The following DHX33 variants were observed in gnomAD, a reference collection of about 807,000 sequenced individuals.
DHX33 encodes the protein DEAH-box helicase 33.
Under a neutral mutation model 72.5 loss-of-function variants are expected in DHX33, and 42 were observed. The observed-to-expected ratio is 0.58, with a 90% confidence interval of 0.45 to 0.75. The LOEUF (loss-of-function observed/expected upper bound fraction) is 0.75, where lower values mean the gene tolerates loss of function less well. DHX33 is among the 30% of genes least tolerant of loss of function. The pLI is 0.00. For synonymous variants in DHX33, 358 were observed against 366.1 expected (o/e 0.98, Z 0.25); for missense variants, 842 against 917.5 (o/e 0.92, Z 1.06).
chr17:5,453,140 C>T (rs1466830229), intron 8 of DHX33, among the ~76,000 whole-genome samples: 1 of 152,188 alleles, frequency 6.6e-6, no homozygotes, highest in Non-Finnish European at 1.5e-5. Flanking sequence ...AATTTCATTA[C>T]ATTTCTGTAG....
At chr17:5,449,044 T>C (rs1378751102) in intron 10 of DHX33, 149 bp from the exon 11 acceptor site, 6 of 490,438 alleles carry the variant, frequency 1.2e-5, no homozygotes, top group Non-Finnish European at 1.8e-5. Flanking sequence ...GCCTCCCAGA[T>C]AGCTTGAACT....
At chr17:5,455,647 TGACA>T (rs1464537513) in intron 5 of DHX33, among the ~76,000 whole-genome samples, 1 of 152,186 alleles carries the variant, frequency 6.6e-6, no homozygotes, top group Non-Finnish European at 1.5e-5. Flanking sequence ...CCCACGAGGA[TGACA>T]GACAGTGGAT....
intron 11 of DHX33, among the ~76,000 whole-genome samples, chr17:5,447,002 T>G (rs561724277): frequency 6.6e-6 from 1 of 152,366 alleles, no homozygotes; most frequent in East Asian, 1.9e-4. Context: ...AGGCTGTGAC[T>G]GTCTCCCAGC....
In DHX33 at chr17:5,453,888, A is replaced by G; in HGVS notation, c.1240T>C (p.Cys414Arg). 6.2e-7 allele frequency: 1 copy of G among 1,602,682 alleles called. No individual in the cohort carries two copies. The highest frequency in any genetic ancestry group is 8.5e-7 in the Non-Finnish European group (1 of 1,174,972). The change falls in exon 7 of 12, where the codon TGC (cysteine) becomes CGC (arginine). Residue 414 changes from cysteine to arginine, a missense_variant. By Grantham distance (180) the Cys-to-Arg change is radical. Coordinates refer to ENST00000225296, the MANE Select transcript of DHX33 (RefSeq NM_020162.4). ...GRAGREDSGI[C>R]YRLYTEDEFE... ...TCGTCCTCCGTGTAGAGCCGGTAGC[A>G]GATGCCACTGTCCTCTCTGCCAGCC...
intron 1 of DHX33, 102 bp from the exon 2 acceptor site, chr17:5,463,791 T>C: frequency 1.7e-6 from 2 of 1,181,538 alleles, no homozygotes; most frequent in Non-Finnish European, 2.3e-6. Flanking sequence ...GAGGCCGAGG[T>C]AGGAGGCTCT....
rs747221530 is a variant in DHX33, at chr17:5,456,207, A to T, written c.850-25T>A. ...CCTGTAAAAAAAGTAGAGTGGGTTT[A>T]CTAGGCATTGATAGAATTGCAGCTT... On this transcript the variant is annotated intron_variant, in intron 4 of 11. Transcript: ENST00000225296. 8 of 1,610,370 alleles carry T rather than the reference A, an allele frequency of 5.0e-6. No individual in the cohort carries two copies. In the Admixed American group the frequency reaches 1.0e-4, roughly 20 times the overall value.
At chr17:5,462,288 C>T (rs1379931933) in intron 3 of DHX33, 31 bp downstream of exon 3, 5 of 1,600,528 alleles carry the variant, frequency 3.1e-6, no homozygotes, top group Non-Finnish European at 4.3e-6. Context: ...GGAAGTTTCC[C>T]TCATACTTTC....
At chr17:5,446,235 A>G (rs137967957) in intron 11 of DHX33, among the ~76,000 whole-genome samples, 2,778 of 152,282 alleles carry the variant, frequency 0.018, 36 homozygotes, top group Middle Eastern at 0.054. Flanking sequence ...TGGGCCTCCC[A>G]AAGTGCTGGG....
At chr17:5,450,758 G>T in intron 9 of DHX33, 49 bp downstream of exon 9, 2 of 1,612,064 alleles carry the variant, frequency 1.2e-6, no homozygotes, top group South Asian at 2.2e-5. Flanking sequence ...ACTTTGGGAC[G>T]GTTAACTGTA....
Position 5,455,149 on chromosome 17 carries a change from C to T in DHX33, c.1147+11G>A. 6.2e-7 allele frequency: 1 copy of T among 1,607,446 alleles called. No individual in the cohort carries two copies. The highest frequency in any genetic ancestry group is 2.2e-5 in the East Asian group (1 of 44,854). ...ACACAGGAGAGACATTCATGAACTA[C>T]AAATTCTCACCAGGGTTATACTTCT... On this transcript the variant is annotated intron_variant, in intron 6 of 11. Coordinates refer to ENST00000225296, the MANE Select transcript of DHX33 (RefSeq NM_020162.4).
At chr17:5,454,842 C>T (rs1011998719) in intron 6 of DHX33, among the ~76,000 whole-genome samples, 7 of 152,142 alleles carry the variant, frequency 4.6e-5, no homozygotes, top group African/African-American at 1.4e-4. Context: ...TCTGATGACA[C>T]CCTTTGATTG....
chr17:5,451,565 C>T (rs996337758), intron 8 of DHX33, among the ~76,000 whole-genome samples: 2 of 152,080 alleles, frequency 1.3e-5, no homozygotes, highest in African/African-American at 4.8e-5. Flanking sequence ...AAACACATAA[C>T]AGTGGAAATA....
At chr17:5,449,171 C>T (rs928699194) in intron 10 of DHX33, among the ~76,000 whole-genome samples, 2 of 152,008 alleles carry the variant, frequency 1.3e-5, no homozygotes, top group African/African-American at 2.4e-5. Flanking sequence ...CAAAAAGAAA[C>T]GTAGGAAAAT....
At position 5,456,236 on chromosome 17, in the gene DHX33, C is replaced by A. The variant is rs184002690; in HGVS notation, c.850-54G>T. The A allele has an allele frequency of 2.6e-6, 4 of 1,539,692 alleles. No homozygotes were observed. The Admixed American group carries it at 5.2e-5, about 20-fold the overall frequency. On this transcript the variant is annotated intron_variant, in intron 4 of 11. Transcript: ENST00000225296. ...GGCATTGATAGAATTGCAGCTTGCA[C>A]AGAAAAAGACAATGGTGATTGATGA...
At chr17:5,449,105 AAAATAT>A (rs1246311469) in intron 10 of DHX33, among the ~76,000 whole-genome samples, 23 of 152,204 alleles carry the variant, frequency 1.5e-4, no homozygotes, top group African/African-American at 5.6e-4. Flanking sequence ...CTCTATAGAG[AAAATAT>A]AACAACATTT....
chr17:5,445,862 C>T lies in DHX33; in HGVS notation c.1816-1349G>A, dbSNP rs372120947. On this transcript the variant is annotated intron_variant, in intron 11 of 11. Transcript: ENST00000225296. Reference sequence around the variant, plus strand: ...TTTTCTGGTTCCTGTGACTCTATTTCCTGCCTATCGGTTCTCAGAGATACC... The same window carrying T: ...TTTTCTGGTTCCTGTGACTCTATTTTCTGCCTATCGGTTCTCAGAGATACC... Among the ~76,000 whole-genome samples, 480 of 152,288 alleles carry T rather than the reference C, an allele frequency of 3.2e-3. 3 individuals carry two copies. The highest frequency in any genetic ancestry group is 0.022 in the South Asian group (106 of 4,828).
chr17:5,461,046 C>CG lies in DHX33; in HGVS notation c.741dup (p.Val248ArgfsTer22). 3.1e-6 allele frequency: 5 copies of CG among 1,612,012 alleles called. No individual in the cohort carries two copies. The South Asian group carries it at 5.5e-5, about 18-fold the overall frequency. On this transcript the variant is annotated frameshift_variant, in exon 4 of 12. Transcript: ENST00000225296. LOFTEE classifies it high-confidence loss of function. ...TGCTGCCGACCCTCTAGGTAGAGGA[C>CG]GGGGGCGCCATTGAAATACTGAGAG...
Position 5,468,572 on chromosome 17 carries a change from G to T in DHX33, c.288C>A (p.Ile96=). 3.1e-6 allele frequency: 5 copies of T among 1,606,564 alleles called. No individual in the cohort carries two copies. Among genetic ancestry groups the T allele is most frequent in the South Asian group, 1.1e-5 (1 of 89,922 alleles). Residue 96 remains isoleucine (I), a splice_region_variant and synonymous_variant, in exon 1 of 12, where the codon ATC becomes ATA. Coordinates refer to ENST00000225296, the MANE Select transcript of DHX33 (RefSeq NM_020162.4). ...QLRNLDNAVL[I]GETGSGKTTQ... is the part of the protein sequence containing the mutation. Reference sequence around the variant, plus strand: ...GAGCCCGCCGGCGCGGCCACTCACCGATGAGGACCGCGTTGTCCAGGTTTC... The same window carrying T: ...GAGCCCGCCGGCGCGGCCACTCACCTATGAGGACCGCGTTGTCCAGGTTTC...
intron 1 of DHX33, among the ~76,000 whole-genome samples, chr17:5,465,306 T>G (rs1272463987): frequency 6.6e-6 from 1 of 152,300 alleles, no homozygotes; most frequent in South Asian, 2.1e-4. Flanking sequence ...TCATCCTTCC[T>G]GACCCAGATA....
Sources: gnomAD v4.1 joint callset for allele counts (sites outside exome capture counted in the v4.1 genomes callset) on GRCh38, gnomAD v4.1.1 for gene constraint, MANE v1.5 for transcripts, NCBI Gene and HGNC (gene_info 2026-07-23, HGNC 2026-07-21) for gene names.